TFB1M: variants seen among roughly 807,000 people sequenced by gnomAD.
The protein encoded by TFB1M is transcription factor B1, mitochondrial.
TFB1M carries 27 observed loss-of-function variants against 31.1 expected under a neutral mutation model. The ratio of observed to expected loss-of-function variants is 0.87; its 90% confidence interval spans 0.64 to 1.20. The LOEUF (loss-of-function observed/expected upper bound fraction) is 1.20, where lower values mean the gene tolerates loss of function less well. Among genes scored for constraint, TFB1M ranks in the 50% most tolerant of loss-of-function variants. The probability of loss-of-function intolerance (pLI) is 0.00; values close to 1 mark genes in which losing one functional copy is unlikely to be tolerated. For synonymous variants in TFB1M, 166 were observed against 151.8 expected, an observed-to-expected ratio of 1.09 and a Z score of -0.69; for missense variants, 394 against 418.7, an observed-to-expected ratio of 0.94 and a Z score of 0.51.
intron 1 of TFB1M, chr6:155,314,094 A>T: frequency 6.9e-7 from 1 of 1,452,870 alleles, no homozygotes; most frequent in Non-Finnish European, 9.0e-7. Flanking sequence ...CCGAACGCGG[A>T]GTTTTGTGAG....
intron 5 of TFB1M, among the ~76,000 whole-genome samples, chr6:155,271,694 A>G (rs1275092719): frequency 6.6e-6 from 1 of 152,256 alleles, no homozygotes; most frequent in Non-Finnish European, 1.5e-5. Context: ...TGTTAAAAAT[A>G]TTTCAGACCA....
chr6:155,297,718 A>T (rs980155297), intron 3 of TFB1M, among the ~76,000 whole-genome samples: 2 of 152,214 alleles, frequency 1.3e-5, no homozygotes, highest in African/African-American at 4.8e-5. Context: ...CCTCCGGAAG[A>T]CTATGGATTA....
In TFB1M at chr6:155,256,953, A is replaced by AGGAACTTTGCTCAAGGCGCAGATCC; in HGVS notation, c.*858_*882dup. On this transcript the variant is annotated 3_prime_UTR_variant, in exon 7 of 7. Transcript: ENST00000367166. Reference sequence around the variant, plus strand: ...AAGCCAACAGCACCAAGAGGGACAGAGGAACTTTGCTCAAGGCGCAGATCC... The same window carrying AGGAACTTTGCTCAAGGCGCAGATCC: ...AAGCCAACAGCACCAAGAGGGACAGAGGAACTTTGCTCAAGGCGCAGATCCGGAACTTTGCTCAAGGCGCAGATCC... 6.2e-7 allele frequency: 1 copy of AGGAACTTTGCTCAAGGCGCAGATCC among 1,614,200 alleles called. No homozygotes were observed. The highest frequency in any genetic ancestry group is 1.1e-5 in the South Asian group (1 of 91,080).
At chr6:155,238,268 C>T in the TFB1M span, among the ~76,000 whole-genome samples, 1 of 152,240 alleles carries the variant, frequency 6.6e-6, no homozygotes, top group Non-Finnish European at 1.5e-5. Flanking sequence ...TCTGAGACCA[C>T]CTCAGCCTGG....
chr6:155,249,598 G>A, the TFB1M span, among the ~76,000 whole-genome samples: 4 of 152,168 alleles, frequency 2.6e-5, no homozygotes, highest in African/African-American at 9.7e-5. Context: ...GTCAGTTGTT[G>A]TTATTAGTGA....
intron 5 of TFB1M, among the ~76,000 whole-genome samples, chr6:155,268,714 G>A (rs1222656306): frequency 6.6e-6 from 1 of 151,810 alleles, no homozygotes; most frequent in East Asian, 1.9e-4. Context: ...TAAGGGCGGT[G>A]CAAGATGTGC....
chr6:155,246,177 C>A, the TFB1M span, among the ~76,000 whole-genome samples: 1 of 151,916 alleles, frequency 6.6e-6, no homozygotes, highest in Non-Finnish European at 1.5e-5. Flanking sequence ...TCTGGTGCAA[C>A]TGGAAAGAGC....
intron 5 of TFB1M, among the ~76,000 whole-genome samples, chr6:155,270,015 G>A (rs964651762): frequency 1.1e-4 from 16 of 152,222 alleles, no homozygotes; most frequent in African/African-American, 3.9e-4. Context: ...GCGCTACAGT[G>A]GAAGCAGAAG....
At chr6:155,282,164 G>A (rs1001195844) in intron 5 of TFB1M, among the ~76,000 whole-genome samples, 3 of 152,306 alleles carry the variant, frequency 2.0e-5, no homozygotes, top group African/African-American at 7.2e-5. Context: ...AGACACTAAA[G>A]TAGACCAATT....
At position 155,297,094 on chromosome 6, in the gene TFB1M, A is replaced by G; in HGVS notation, c.405T>C (p.Asn135=). Residue 135 remains asparagine, a synonymous_variant, in exon 4 of 7, where the codon AAT becomes AAC. Transcript: ENST00000367166. ...LKRPWEDDPP[N]VHIIGNLPFS... The stretch of plus-strand genomic sequence containing the variant: ...AAGGCAGATTTCCAATAATATGTAC[A>G]TTTGGAGGATCTGGTGGCAGAGGAA... The G allele has an allele frequency of 6.2e-7, 1 of 1,613,592 alleles. No homozygotes were observed.
the TFB1M span, among the ~76,000 whole-genome samples, chr6:155,239,751 G>C: frequency 1.3e-5 from 2 of 152,164 alleles, no homozygotes; most frequent in Admixed American, 1.3e-4. Flanking sequence ...GCCTGGCCCT[G>C]GCTCCCTGCT....
At position 155,260,362 on chromosome 6, in the gene TFB1M, C is replaced by CTG. The variant is rs764140018; in HGVS notation, c.703_704dup (p.Gln235HisfsTer5). 1.2e-5 allele frequency: 20 copies of CTG among 1,614,176 alleles called. No homozygotes were observed. The highest frequency in any genetic ancestry group is 1.3e-5 in the Non-Finnish European group (15 of 1,180,020). Reference sequence around the variant, plus strand: ...GCTTGAATGGCTGCTCTATCTTGGGCTGTATCAAGGGAGTGAAGTGCACCA... The same window carrying CTG: ...GCTTGAATGGCTGCTCTATCTTGGGCTGTGTATCAAGGGAGTGAAGTGCACCA... On this transcript the variant is annotated frameshift_variant, in exon 6 of 7. Coordinates refer to ENST00000367166, the MANE Select transcript of TFB1M (RefSeq NM_016020.4). LOFTEE classifies it high-confidence loss of function.
chr6:155,239,908 C>T, the TFB1M span, among the ~76,000 whole-genome samples: 2 of 152,204 alleles, frequency 1.3e-5, no homozygotes, highest in African/African-American at 4.8e-5. Flanking sequence ...AGGGTGTTAC[C>T]ATCTTCATCT....
chr6:155,256,019 AG>A (rs71558246), downstream of TFB1M: 526 of 146,470 alleles, frequency 3.6e-3, 7 homozygotes, highest in African/African-American at 9.3e-3. Flanking sequence ...TTAAAAAAAA[AG>A]GGGGGGGGAG....
At chr6:155,287,551 A>AGTGTGTGTGTGAGTGT (rs1776719760) in intron 4 of TFB1M, among the ~76,000 whole-genome samples, 1 of 147,518 alleles carries the variant, frequency 6.8e-6, no homozygotes. Context: ...ATTTACTCTG[A>AGTGTGTGTGTGAGTGT]GTGTGTGTGT....
chr6:155,235,068 C>G, the TFB1M span, among the ~76,000 whole-genome samples: 750 of 152,266 alleles, frequency 4.9e-3, 6 homozygotes, highest in African/African-American at 0.017. Context: ...TGGAGCAGAG[C>G]TAGAGAGGGG....
At chr6:155,254,675 T>G, downstream of TFB1M, 1 of 1,429,350 alleles carries the variant, frequency 7.0e-7, no homozygotes, top group East Asian at 2.3e-5. Flanking sequence ...ACTTTGTAAG[T>G]CATCGAGGTA....
chr6:155,237,200 C>T, the TFB1M span, among the ~76,000 whole-genome samples: 3 of 152,202 alleles, frequency 2.0e-5, no homozygotes, highest in East Asian at 1.9e-4. Context: ...CATGCAATTC[C>T]GAAATCCAGC....
chr6:155,252,117 C>A, downstream of TFB1M: 1 of 751,664 alleles, frequency 1.3e-6, no homozygotes, highest in Non-Finnish European at 2.2e-6. Flanking sequence ...ATACTGCTTA[C>A]TCTGAGGGTA....
Sources: allele counts gnomAD v4.1 joint callset (sites outside exome capture counted in the v4.1 genomes callset), GRCh38; gene constraint gnomAD v4.1.1; transcripts MANE v1.5; gene names NCBI Gene and HGNC (gene_info 2026-07-23, HGNC 2026-07-21).